The following CEMIP variants were observed in gnomAD, a reference collection of about 807,000 sequenced individuals.
CEMIP encodes the protein cell migration-inducing and hyaluronan-binding protein.
In CEMIP, 105 loss-of-function variants were observed where a neutral mutation model predicts 156.9. That is an observed-to-expected ratio of 0.67 (90% confidence interval 0.57 to 0.79). The LOEUF is 0.79. CEMIP is among the 30% of genes least tolerant of loss of function. The pLI is 0.00. For synonymous variants in CEMIP, 676 were observed against 668.4 expected (o/e 1.01, Z -0.17); for missense variants, 1,457 against 1,769.4 (o/e 0.82, Z 3.17).
At chr15:80,794,145 T>C (rs1339895567) in intron 1 of CEMIP, among the ~76,000 whole-genome samples, 1 of 152,228 alleles carries the variant, frequency 6.6e-6, no homozygotes, top group East Asian at 1.9e-4. Flanking sequence ...TAACCACAGG[T>C]GACCTAGTAG....
At chr15:80,923,310 A>C (rs992999032) in intron 17 of CEMIP, among the ~76,000 whole-genome samples, 3 of 152,200 alleles carry the variant, frequency 2.0e-5, no homozygotes, top group Non-Finnish European at 2.9e-5. Flanking sequence ...TGAAGCTGAC[A>C]TGGCCCTCAG....
At chr15:80,836,285 T>C (rs1897268795) in intron 1 of CEMIP, among the ~76,000 whole-genome samples, 1 of 152,214 alleles carries the variant, frequency 6.6e-6, no homozygotes, top group Admixed American at 6.5e-5. Flanking sequence ...AGGCATCTTT[T>C]TCAGGACTGG....
chr15:80,905,648 C>G (rs1899769304), intron 12 of CEMIP, among the ~76,000 whole-genome samples: 1 of 152,018 alleles, frequency 6.6e-6, no homozygotes, highest in African/African-American at 2.4e-5. Flanking sequence ...CTGGCAATTA[C>G]TAGGAGGGGT....
At chr15:80,864,383 C>T (rs192228632) in intron 1 of CEMIP, among the ~76,000 whole-genome samples, 3 of 152,316 alleles carry the variant, frequency 2.0e-5, no homozygotes, top group Admixed American at 2.0e-4. Flanking sequence ...AGATGCAGTT[C>T]TACCAATTTA....
intron 13 of CEMIP, among the ~76,000 whole-genome samples, chr15:80,907,484 C>T (rs1899859201): frequency 6.6e-6 from 1 of 152,088 alleles, no homozygotes; most frequent in South Asian, 2.1e-4. Context: ...ATTGCTTGAA[C>T]CCAGGAGGCA....
At chr15:80,832,322 C>CTCTCTCTG (rs1555429057) in intron 1 of CEMIP, among the ~76,000 whole-genome samples, 1 of 127,996 alleles carries the variant, frequency 7.8e-6, no homozygotes, top group Non-Finnish European at 1.6e-5. Flanking sequence ...AAAATAAACT[C>CTCTCTCTG]TGTGTGTGTG....
chr15:80,829,990 G>GTGTGTGTGTGTTTGTGTT (rs1555428889), intron 1 of CEMIP, among the ~76,000 whole-genome samples: 1 of 149,178 alleles, frequency 6.7e-6, no homozygotes, highest in African/African-American at 2.5e-5. Flanking sequence ...GTGTGTGTGT[G>GTGTGTGTGTGTTTGTGTT]TGTGTGTGTG....
chr15:80,830,001 T>TGTGTGC (rs1297001861), intron 1 of CEMIP, among the ~76,000 whole-genome samples: 29 of 81,500 alleles, frequency 3.6e-4, no homozygotes, highest in East Asian at 1.7e-3. Flanking sequence ...TGTGTGTGTG[T>TGTGTGC]GCGCGCATGT....
chr15:80,897,453 C>A, intron 12 of CEMIP: 1 of 420,660 alleles, frequency 2.4e-6, no homozygotes, highest in Admixed American at 2.5e-5. Context: ...AGTCCACAAA[C>A]AATGCAGCTG....
At chr15:80,897,827 C>CT (rs965335351) in intron 12 of CEMIP, among the ~76,000 whole-genome samples, 49 of 152,172 alleles carry the variant, frequency 3.2e-4, no homozygotes, top group African/African-American at 1.1e-3. Context: ...AGACAATAAA[C>CT]TTTATCTCTA....
At chr15:80,915,653 T>TC (rs1184966342) in intron 14 of CEMIP, among the ~76,000 whole-genome samples, 2 of 151,928 alleles carry the variant, frequency 1.3e-5, no homozygotes, top group African/African-American at 4.8e-5. Context: ...ACCAAACGCT[T>TC]CCCCCCAGGC....
intron 1 of CEMIP, among the ~76,000 whole-genome samples, chr15:80,830,132 A>G (rs1897128726): frequency 6.6e-6 from 1 of 152,126 alleles, no homozygotes; most frequent in Admixed American, 6.5e-5. Context: ...ACAATTCCTC[A>G]TGGGCCAAGT....
At position 80,920,303 on chromosome 15, in the gene CEMIP, A is replaced by G; in HGVS notation, c.2003+4A>G. On this transcript the variant is annotated splice_donor_region_variant and intron_variant, in intron 15 of 29. Transcript: ENST00000394685. Reference sequence around the variant, plus strand: ...CCAAGCCCAGGCAAGACTGCAAGTAAGTGCCTGGACCCCTCTCTGTGTGCT... The same window carrying G: ...CCAAGCCCAGGCAAGACTGCAAGTAGGTGCCTGGACCCCTCTCTGTGTGCT... 1 of 1,613,110 alleles carries G rather than the reference A, an allele frequency of 6.2e-7. No individual in the cohort carries two copies. The highest frequency in any genetic ancestry group is 1.1e-5 in the South Asian group (1 of 91,044).
chr15:80,850,765 C>G (rs1897698525), intron 1 of CEMIP, among the ~76,000 whole-genome samples: 1 of 152,184 alleles, frequency 6.6e-6, no homozygotes, highest in South Asian at 2.1e-4. Context: ...TCAGCTCACC[C>G]CCTTACTCAT....
rs79673692 is a variant in CEMIP, at chr15:80,927,118, T to C, written c.2420+1363T>C. On this transcript the variant is annotated intron_variant, in intron 19 of 29. Coordinates refer to ENST00000394685, the MANE Select transcript of CEMIP (RefSeq NM_001293298.2). ...TGCTGGGATTACAGGCGTGAGCCAC[T>C]GTGCCCAGCCGCAGGGCCTTCATTT... Among the ~76,000 whole-genome samples, 815 of 152,308 alleles carry C rather than the reference T, an allele frequency of 5.4e-3. 2 individuals carry two copies. Among genetic ancestry groups the C allele is most frequent in the East Asian group, 0.037 (190 of 5,180 alleles).
chr15:80,889,692 G>A (rs182275349), intron 10 of CEMIP, 100 bp downstream of exon 10: 11 of 1,493,408 alleles, frequency 7.4e-6, no homozygotes, highest in African/African-American at 6.9e-5. Context: ...TGTGATTCTC[G>A]TTGCCCTCCT....
rs777005624 is a variant in CEMIP at position 80,933,198 on chromosome 15, T to C, written c.2794-47T>C. On this transcript the variant is annotated intron_variant, in intron 22 of 29. Transcript: ENST00000394685. The stretch of plus-strand genomic sequence containing the variant: ...GCCCTGGCCTGATGACGGCTGCAGT[T>C]TCCCTTCACCTTCTAGCCCTGCCTA... 1.8e-5 allele frequency: 27 copies of C among 1,532,378 alleles called. No individual in the cohort carries two copies. In the South Asian group the frequency reaches 2.8e-4, roughly 16 times the overall value. 94.9% of individuals were successfully genotyped at this position (1,532,378 alleles called of 1,614,324 possible).
intron 1 of CEMIP, among the ~76,000 whole-genome samples, chr15:80,822,183 T>A (rs1025729097): frequency 6.6e-6 from 1 of 152,244 alleles, no homozygotes; most frequent in Non-Finnish European, 1.5e-5. Context: ...CACAGCTTCC[T>A]GGCTCCCCCA....
chr15:80,943,102 A>C lies in CEMIP; in HGVS notation c.3857A>C (p.Asn1286Thr). The change falls in exon 28 of 30, where the codon AAT becomes ACT. Residue 1286 changes from asparagine to threonine, a missense_variant and splice_region_variant. Physicochemically the swap from Asn to Thr is moderately conservative, Grantham distance 65. Transcript: ENST00000394685. ...LFNYVATIPD[N>T]SIVLMASKGR... ...AACTATGTGGCGACCATCCCTGACA[A>C]GTGAGTCTGTACCTCTGCTTCTGGA... The C allele has an allele frequency of 6.2e-7, 1 of 1,614,182 alleles. No homozygotes were observed. Among genetic ancestry groups the C allele is most frequent in the Non-Finnish European group, 8.5e-7 (1 of 1,180,008 alleles).
Sources: gnomAD v4.1 joint callset for allele counts (sites outside exome capture counted in the v4.1 genomes callset) on GRCh38, gnomAD v4.1.1 for gene constraint, MANE v1.5 for transcripts, NCBI Gene and HGNC (gene_info 2026-07-23, HGNC 2026-07-21) for gene names.